ERI1: variants seen among roughly 807,000 people sequenced by gnomAD.
The protein encoded by ERI1 is 3'-5' exoribonuclease 1.
Under a neutral mutation model 39.7 loss-of-function variants are expected in ERI1, and 39 were observed. That is an observed-to-expected ratio of 0.98 (90% CI 0.76 to 1.28). The LOEUF (loss-of-function observed/expected upper bound fraction) is 1.28. Among genes scored for constraint, ERI1 ranks in the 50% most tolerant of loss-of-function variants. The pLI is 0.00. For missense variants in ERI1, 581 were observed against 416.9 expected (o/e 1.39, Z -3.43); for synonymous variants, 204 against 149.6 (o/e 1.36, Z -2.65).
intron 3 of ERI1, among the ~76,000 whole-genome samples, chr8:9,015,047 G>A (rs1340133466): frequency 6.6e-6 from 1 of 152,090 alleles, no homozygotes; most frequent in Non-Finnish European, 1.5e-5. Context: ...ACTTCGGCCA[G>A]GCTGGTCTTG....
chr8:9,013,556 A>G (rs796271274), intron 3 of ERI1, among the ~76,000 whole-genome samples: 4 of 152,006 alleles, frequency 2.6e-5, no homozygotes, highest in African/African-American at 9.7e-5. Context: ...CTCTGCTTAC[A>G]TCCTTTCGCT....
intron 2 of ERI1, among the ~76,000 whole-genome samples, chr8:9,008,518 A>T (rs1816292764): frequency 6.6e-6 from 1 of 152,222 alleles, no homozygotes; most frequent in Non-Finnish European, 1.5e-5. Flanking sequence ...TTATAAAAAG[A>T]GTTTGTTTGA....
chr8:9,029,690 C>A, intron 6 of ERI1, 102 bp from the exon 7 acceptor site: 1 of 1,369,830 alleles, frequency 7.3e-7, no homozygotes, highest in Non-Finnish European at 1.0e-6. Context: ...CTTTATTTAG[C>A]TGTTAGTGCT....
chr8:9,090,720 T>G (rs1326102163), intron 3 of ERI1, among the ~76,000 whole-genome samples: 1 of 151,922 alleles, frequency 6.6e-6, no homozygotes, highest in African/African-American at 2.4e-5. Flanking sequence ...AAGAAATAGG[T>G]GAAACAAGAA....
At chr8:9,013,943 C>T (rs896875788) in intron 3 of ERI1, among the ~76,000 whole-genome samples, 5 of 152,148 alleles carry the variant, frequency 3.3e-5, no homozygotes, top group South Asian at 2.1e-4. Flanking sequence ...TGACTTACTG[C>T]ATTCGCCACC....
At chr8:9,053,081 A>G (rs1203247993) in intron 3 of ERI1, among the ~76,000 whole-genome samples, 1 of 152,182 alleles carries the variant, frequency 6.6e-6, no homozygotes, top group African/African-American at 2.4e-5. Flanking sequence ...CAATGGCGCA[A>G]TCTCAGCAGA....
chr8:9,029,237 T>G (rs937694701), intron 6 of ERI1, among the ~76,000 whole-genome samples: 3 of 152,166 alleles, frequency 2.0e-5, no homozygotes, highest in African/African-American at 7.2e-5. Flanking sequence ...TAATAAATTA[T>G]TTTTAAATTA....
chr8:9,033,757 G>T (rs140414880), downstream of ERI1, among the ~76,000 whole-genome samples: 35 of 152,312 alleles, frequency 2.3e-4, no homozygotes, highest in East Asian at 6.8e-3. Flanking sequence ...TATGGCTTGA[G>T]CCTTGCTCTT....
At chr8:9,056,900 C>G (rs1402769765) in intron 3 of ERI1, among the ~76,000 whole-genome samples, 1 of 152,136 alleles carries the variant, frequency 6.6e-6, no homozygotes, top group African/African-American at 2.4e-5. Flanking sequence ...GTGGCAAGAT[C>G]TCGTCTCACT....
intron 3 of ERI1, among the ~76,000 whole-genome samples, chr8:9,068,594 A>T (rs539894565): frequency 3.8e-4 from 58 of 151,190 alleles, no homozygotes; most frequent in African/African-American, 1.2e-3. Context: ...AAGCAAAGCA[A>T]CCTCCTCCCT....
At chr8:9,080,231 G>A (rs1471749375) in intron 3 of ERI1, among the ~76,000 whole-genome samples, 3 of 152,064 alleles carry the variant, frequency 2.0e-5, no homozygotes, top group Non-Finnish European at 4.4e-5. Context: ...TGTCTCCCTG[G>A]GCCTGATAAT....
chr8:9,065,779 T>C (rs1251541530), intron 3 of ERI1, among the ~76,000 whole-genome samples: 1 of 151,770 alleles, frequency 6.6e-6, no homozygotes, highest in African/African-American at 2.4e-5. Context: ...CAAATCTCCT[T>C]TTAAAATTAC....
intron 1 of ERI1, among the ~76,000 whole-genome samples, chr8:9,004,485 C>CTTGTTTTTTTTTTTTTTT (rs1815744662): frequency 2.6e-5 from 2 of 78,328 alleles, no homozygotes; most frequent in African/African-American, 1.0e-4. Context: ...TATAGTGATA[C>CTTGTTTTTTTTTTTTTTT]TTTTTTTTTT....
At chr8:9,049,618 T>C (rs1191082737) in intron 3 of ERI1, among the ~76,000 whole-genome samples, 6 of 152,062 alleles carry the variant, frequency 3.9e-5, no homozygotes, top group African/African-American at 1.4e-4. Flanking sequence ...AATACTTCCT[T>C]TAGGAAATAC....
In ERI1 at chr8:9,031,956, C is replaced by T. The variant is rs1447383550; in HGVS notation, c.*1922C>T. The stretch of plus-strand genomic sequence containing the variant: ...TATTTTTGGTAGAGGCGGGGTTTCA[C>T]CATGTTGGTCAGGCTGGTCTTGAAC... On this transcript the variant is annotated 3_prime_UTR_variant, in exon 7 of 7. Coordinates refer to ENST00000250263, the MANE Select transcript of ERI1 (RefSeq NM_153332.4). 6.6e-6 allele frequency: 1 copy of T among 152,272 alleles called. No homozygotes were observed. Among genetic ancestry groups the T allele is most frequent in the Non-Finnish European group, 1.5e-5 (1 of 68,116 alleles). 9.4% of individuals were successfully genotyped at this position (152,272 alleles called of 1,614,324 possible).
downstream of ERI1, among the ~76,000 whole-genome samples, chr8:9,035,560 G>C (rs1563346518): frequency 6.8e-6 from 1 of 147,388 alleles, no homozygotes; most frequent in Non-Finnish European, 1.5e-5. Flanking sequence ...TAGTGCTCAG[G>C]AAAAAAAAAA....
chr8:9,013,579 C>G (rs1361619816), intron 3 of ERI1, among the ~76,000 whole-genome samples: 2 of 152,028 alleles, frequency 1.3e-5, no homozygotes. Context: ...ATGATCTTAT[C>G]TAGTTCCATA....
At chr8:9,043,623 G>A (rs1186475615) in intron 3 of ERI1, among the ~76,000 whole-genome samples, 2 of 152,178 alleles carry the variant, frequency 1.3e-5, no homozygotes, top group Non-Finnish European at 2.9e-5. Context: ...TATGTATTTG[G>A]TATTCCATGA....
chr8:9,015,784 T>C (rs2117224123), intron 3 of ERI1, among the ~76,000 whole-genome samples: 1 of 149,632 alleles, frequency 6.7e-6, no homozygotes, highest in South Asian at 2.1e-4. Context: ...AACATTACTG[T>C]AGATACACAG....
Sources: gnomAD v4.1 joint callset for allele counts (sites outside exome capture counted in the v4.1 genomes callset) on GRCh38, gnomAD v4.1.1 for gene constraint, MANE v1.5 for transcripts, NCBI Gene and HGNC (gene_info 2026-07-23, HGNC 2026-07-21) for gene names.